The following CPNE4 variants were observed in gnomAD, a reference collection of about 807,000 sequenced individuals.
The protein encoded by CPNE4 is copine 4, also known as copine-4.
Under a neutral mutation model 67.9 loss-of-function variants are expected in CPNE4, and 25 were observed. That is an observed-to-expected ratio of 0.37 (90% CI 0.27 to 0.51). The LOEUF (loss-of-function observed/expected upper bound fraction) is 0.51, where lower values mean the gene tolerates loss of function less well. CPNE4 is among the 20% of genes least tolerant of loss of function. The probability of loss-of-function intolerance (pLI) is 0.93; values close to 1 mark genes in which losing one functional copy is unlikely to be tolerated. For synonymous variants in CPNE4, 242 were observed against 244.9 expected, an observed-to-expected ratio of 0.99 and a Z score of 0.11; for missense variants, 464 against 690.8, an observed-to-expected ratio of 0.67 and a Z score of 3.68.
At chr3:131,962,492 C>T (rs1314708792) in intron 1 of CPNE4, among the ~76,000 whole-genome samples, 1 of 152,172 alleles carries the variant, frequency 6.6e-6, no homozygotes, top group East Asian at 1.9e-4. Flanking sequence ...TGAGTCACAG[C>T]CATACACAAA....
chr3:131,940,857 A>G (rs569837451), intron 1 of CPNE4, among the ~76,000 whole-genome samples: 8 of 152,238 alleles, frequency 5.3e-5, no homozygotes, highest in African/African-American at 1.9e-4. Context: ...TTTTAGCAGA[A>G]TAATAGTAAG....
chr3:131,612,142 G>T (rs1437918763), intron 7 of CPNE4, among the ~76,000 whole-genome samples: 1 of 151,334 alleles, frequency 6.6e-6, no homozygotes, highest in Non-Finnish European at 1.5e-5. Flanking sequence ...GGGAGGCCAA[G>T]GCAGGCAGAT....
chr3:131,711,545 A>G (rs932364103), intron 3 of CPNE4, among the ~76,000 whole-genome samples: 14 of 152,154 alleles, frequency 9.2e-5, no homozygotes, highest in African/African-American at 2.9e-4. Context: ...CCCTGGGCTT[A>G]CCTGGATGGA....
chr3:131,804,191 TC>T (rs2107921686), intron 2 of CPNE4, among the ~76,000 whole-genome samples: 1 of 152,008 alleles, frequency 6.6e-6, no homozygotes, highest in African/African-American at 2.4e-5. Context: ...ACTTTTCTCC[TC>T]CCTATTCATT....
At chr3:131,736,350 G>A (rs2082233533) in intron 2 of CPNE4, among the ~76,000 whole-genome samples, 1 of 152,060 alleles carries the variant, frequency 6.6e-6, no homozygotes, top group Admixed American at 6.6e-5. Context: ...GTCTGGGCAT[G>A]GTGGCTCACG....
At chr3:131,650,360 A>G (rs977880120) in intron 7 of CPNE4, among the ~76,000 whole-genome samples, 1 of 152,232 alleles carries the variant, frequency 6.6e-6, no homozygotes, top group Non-Finnish European at 1.5e-5. Flanking sequence ...CTAGAGGGTG[A>G]GAGTTATAGG....
intron 1 of CPNE4, among the ~76,000 whole-genome samples, chr3:131,932,458 T>C (rs1452637458): frequency 6.6e-6 from 1 of 152,006 alleles, no homozygotes; most frequent in Non-Finnish European, 1.5e-5. Flanking sequence ...CGGACCCTTA[T>C]GGAAGAGACA....
intron 1 of CPNE4, among the ~76,000 whole-genome samples, chr3:131,988,283 G>C (rs2073101254): frequency 6.6e-6 from 1 of 152,196 alleles, no homozygotes; most frequent in South Asian, 2.1e-4. Flanking sequence ...GATCCATATA[G>C]GGGCCGGAGA....
At chr3:131,638,835 TG>T (rs2079463258) in intron 7 of CPNE4, among the ~76,000 whole-genome samples, 1 of 152,034 alleles carries the variant, frequency 6.6e-6, no homozygotes, top group African/African-American at 2.4e-5. Flanking sequence ...CAGACCACAA[TG>T]GAATAAAATT....
intron 6 of CPNE4, among the ~76,000 whole-genome samples, chr3:131,678,847 A>T (rs756487963): frequency 4.6e-5 from 7 of 151,968 alleles, no homozygotes; most frequent in Non-Finnish European, 1.0e-4. Context: ...TTTGCTGAAG[A>T]TTTTTGCATC....
intron 1 of CPNE4, among the ~76,000 whole-genome samples, chr3:131,961,779 G>A (rs1240667733): frequency 6.6e-6 from 1 of 152,152 alleles, no homozygotes; most frequent in Non-Finnish European, 1.5e-5. Flanking sequence ...ACTAGCAGGT[G>A]AAAGGGTAGA....
intron 2 of CPNE4, among the ~76,000 whole-genome samples, chr3:131,827,284 C>A (rs1423966317): frequency 6.6e-6 from 1 of 152,110 alleles, no homozygotes; most frequent in East Asian, 1.9e-4. Flanking sequence ...TTTCTTTAGC[C>A]TTGCCAGTAA....
intron 2 of CPNE4, among the ~76,000 whole-genome samples, chr3:131,816,094 TTC>T (rs2084729659): frequency 6.6e-6 from 1 of 152,294 alleles, no homozygotes; most frequent in South Asian, 2.1e-4. Context: ...GCTGTTAGAT[TTC>T]TCTGTTACAT....
At chr3:131,649,966 C>T (rs1243077547) in intron 7 of CPNE4, among the ~76,000 whole-genome samples, 1 of 152,084 alleles carries the variant, frequency 6.6e-6, no homozygotes, top group Non-Finnish European at 1.5e-5. Context: ...GAATGCTTGA[C>T]TAGGGAAGGA....
intron 7 of CPNE4, among the ~76,000 whole-genome samples, chr3:131,596,436 A>G (rs1192138016): frequency 8.4e-6 from 1 of 119,582 alleles, no homozygotes; most frequent in Non-Finnish European, 1.7e-5. Context: ...TCCCGGCTAA[A>G]ACGGTGAAAC....
intron 1 of CPNE4, among the ~76,000 whole-genome samples, chr3:131,998,144 C>G (rs992895805): frequency 2.4e-4 from 37 of 152,222 alleles, no homozygotes; most frequent in African/African-American, 8.7e-4. Context: ...TCTTTTCCCT[C>G]TCTACCACAC....
intron 2 of CPNE4, among the ~76,000 whole-genome samples, chr3:131,780,509 A>G (rs2083405321): frequency 6.6e-6 from 1 of 152,158 alleles, no homozygotes; most frequent in South Asian, 2.1e-4. Flanking sequence ...AAAAATAAAA[A>G]GATCATGGCC....
intron 1 of CPNE4, among the ~76,000 whole-genome samples, chr3:131,916,047 G>A (rs1040684881): frequency 1.3e-5 from 2 of 152,100 alleles, no homozygotes; most frequent in Non-Finnish European, 2.9e-5. Context: ...AAGAGAAATC[G>A]TATAAATGAC....
intron 2 of CPNE4, among the ~76,000 whole-genome samples, chr3:131,752,692 G>A (rs182936289): frequency 5.3e-5 from 8 of 152,228 alleles, no homozygotes; most frequent in Non-Finnish European, 1.2e-4. Flanking sequence ...GACTACTGCT[G>A]CAATTAATTT....
Sources: gnomAD v4.1 joint callset for allele counts (sites outside exome capture counted in the v4.1 genomes callset) on GRCh38, gnomAD v4.1.1 for gene constraint, MANE v1.5 for transcripts, NCBI Gene and HGNC (gene_info 2026-07-23, HGNC 2026-07-21) for gene names.